FBH1: variants seen among roughly 807,000 people sequenced by gnomAD.
FBH1 encodes the protein F-box DNA helicase 1.
In FBH1, 43 loss-of-function variants were observed where a neutral mutation model predicts 115.5. That is an observed-to-expected ratio of 0.37 (90% CI 0.29 to 0.48). The LOEUF is 0.48. Among genes scored for constraint, FBH1 ranks in the 20% least tolerant of loss-of-function variants. The pLI is 0.99. For missense variants in FBH1, 1,001 were observed against 1,337.3 expected (o/e 0.75, Z 3.92); for synonymous variants, 524 against 507.8 (o/e 1.03, Z -0.43).
intron 18 of FBH1, 38 bp from the exon 19 acceptor site, chr10:5,927,397 G>T (rs748100588): frequency 1.0e-5 from 15 of 1,488,082 alleles, no homozygotes; most frequent in Non-Finnish European, 5.6e-6. Flanking sequence ...CTTTTCTAAG[G>T]CTTTTTAGTT....
chr10:5,925,057 C>T lies in FBH1; in HGVS notation c.2597-310C>T, dbSNP rs551190972. Among the ~76,000 whole-genome samples the T allele has an allele frequency of 6.6e-5, 10 of 152,326 alleles. No individual in the cohort carries two copies. In the Middle Eastern group the frequency reaches 0.01, roughly 155 times the overall value. ...GTCAGGCAAGCTGTGCAGCCCTCTT[C>T]TGGGCTCTGTCCCTTCATGTGTTAG... On this transcript the variant is annotated intron_variant, in intron 17 of 20. Coordinates refer to ENST00000362091, the MANE Select transcript of FBH1 (RefSeq NM_178150.3). This position sits in a 1 kb window ranked among gnomAD's most constrained non-coding sequence, Gnocchi z 4.6.
chr10:5,897,205 A>T lies in FBH1; in HGVS notation c.2-5815A>T, dbSNP rs1042211436. On this transcript the variant is annotated intron_variant, in intron 1 of 20. Transcript: ENST00000362091. This position sits in a 1 kb window ranked among gnomAD's most constrained non-coding sequence, Gnocchi z 4.7. ...ATGTGGGTGGCTTGAGTACTTACAT[A>T]TATATTGTCTCATTCTCTGAATTCA... Among the ~76,000 whole-genome samples the T allele has an allele frequency of 1.3e-5, 2 of 152,158 alleles. No individual in the cohort carries two copies. Among genetic ancestry groups the T allele is most frequent in the African/African-American group, 4.8e-5 (2 of 41,412 alleles).
intron 2 of FBH1, among the ~76,000 whole-genome samples, chr10:5,904,006 A>G (rs1228993648): frequency 6.6e-6 from 1 of 151,664 alleles, no homozygotes; most frequent in Non-Finnish European, 1.5e-5. Context: ...AGATTGCCTT[A>G]TTTCCCTTTG....
In FBH1 at chr10:5,895,241, C is replaced by A; in HGVS notation, c.1+4895C>A. 1 of 1,565,692 alleles carries A rather than the reference C, an allele frequency of 6.4e-7. No homozygotes were observed. The highest frequency in any genetic ancestry group is 8.7e-7 in the Non-Finnish European group (1 of 1,151,164). On this transcript the variant is annotated intron_variant, in intron 1 of 20. Coordinates refer to ENST00000362091, the MANE Select transcript of FBH1 (RefSeq NM_178150.3). The surrounding 1 kb of genome is among the most constrained non-coding windows in gnomAD (Gnocchi z 5.0). ...GCGGTTAGCTGACTCCAAAATTGTCCAGATTAGCAAAACTGCCCTCTGTGG... is the reference window on the plus strand; with the variant it reads ...GCGGTTAGCTGACTCCAAAATTGTCAAGATTAGCAAAACTGCCCTCTGTGG...
At chr10:5,890,223 G>A (rs1242787510), upstream of FBH1, 4 of 354,712 alleles carry the variant, frequency 1.1e-5, no homozygotes, top group African/African-American at 6.5e-5. Context: ...GAGGAAGTCG[G>A]CGGGCGTCTC....
Position 5,906,572 on chromosome 10 carries a change from C to G in FBH1, c.693C>G (p.Asp231Glu). The G allele has an allele frequency of 6.2e-7, 1 of 1,613,718 alleles. No homozygotes were observed. Among genetic ancestry groups the G allele is most frequent in the African/African-American group, 1.3e-5 (1 of 75,042 alleles). The change falls in exon 3 of 21, where the codon GAC becomes GAG. Residue 231 changes from aspartate (D) to glutamate (E), a missense_variant. Transcript: ENST00000362091. The surrounding 1 kb of genome is among the most constrained non-coding windows in gnomAD (Gnocchi z 7.3). ...RHVFAFLPVE[D>E]LYWNLSLVCH... ...TGTTTGCCTTCCTCCCGGTGGAAGA[C>G]CTCTATTGGAACCTGAGCTTGGTGT...
At position 5,905,758 on chromosome 10, in the gene FBH1, C is replaced by G. The variant is rs140992292; in HGVS notation, c.158-279C>G. Among the ~76,000 whole-genome samples, 6 of 152,210 alleles carry G rather than the reference C, an allele frequency of 3.9e-5. No individual in the cohort carries two copies. In the East Asian group the frequency reaches 1.2e-3, roughly 29 times the overall value. ...CAGATGTTCCCTGTGCAGCGTGTTT[C>G]TCTGTACTTGTTTTTACTGCAGGGA... On this transcript the variant is annotated intron_variant, in intron 2 of 20. Transcript: ENST00000362091.
intron 15 of FBH1, among the ~76,000 whole-genome samples, chr10:5,922,523 C>A (rs762408803): frequency 6.6e-6 from 1 of 152,210 alleles, no homozygotes; most frequent in African/African-American, 2.4e-5. Context: ...ATCATACACA[C>A]TGGCATGATA....
At chr10:5,929,860 A>T (rs1183276249) in intron 19 of FBH1, 1 of 152,242 alleles carries the variant, frequency 6.6e-6, no homozygotes, top group African/African-American at 2.4e-5. Flanking sequence ...GTCTCTACCT[A>T]TACAAACATT....
At position 5,911,002 on chromosome 10, in the gene FBH1, A is replaced by G. The variant is rs750485960; in HGVS notation, c.1085A>G (p.Gln362Arg). The stretch of plus-strand genomic sequence containing the variant: ...CTCTCCAGCAGTGTGAATGACATCC[A>G]GCGACTGCTCTTCTGCCTCCGGAGA... ...VLLSSSVNDI[Q>R]RLLFCLRRPS... is the part of the protein sequence containing the mutation. The change falls in exon 6 of 21, where the codon CAG becomes CGG. Residue 362 changes from glutamine (Q) to arginine (R), a missense_variant. Transcript: ENST00000362091. This position sits in a 1 kb window ranked among gnomAD's most constrained non-coding sequence, Gnocchi z 5.4. 4.3e-6 allele frequency: 7 copies of G among 1,612,560 alleles called. No homozygotes were observed. Among genetic ancestry groups the G allele is most frequent in the Non-Finnish European group, 5.9e-6 (7 of 1,180,010 alleles).
rs1195769272 is a variant in FBH1, at chr10:5,916,099, G to A, written c.1566-135G>A. ...GACATGGACCATGCAGAACTTTTTCGCTTTAAAACATTAACACTCGCCTGT... is the reference window on the plus strand; with the variant it reads ...GACATGGACCATGCAGAACTTTTTCACTTTAAAACATTAACACTCGCCTGT... On this transcript the variant is annotated intron_variant, in intron 9 of 20. Transcript: ENST00000362091. 32 of 762,502 alleles carry A rather than the reference G, an allele frequency of 4.2e-5. 1 individual carries two copies. The highest frequency in any genetic ancestry group is 2.7e-4 in the South Asian group (15 of 55,340). The allele number at this position is 762,502 out of a possible 1,614,324, so 47.2% of individuals were successfully genotyped here. A position where few individuals can be genotyped will look rare whatever the true frequency, so the allele number is the denominator to read the frequency against.
chr10:5,925,273 G>A lies in FBH1; in HGVS notation c.2597-94G>A, dbSNP rs1483497853. The A allele has an allele frequency of 1.0e-5, 15 of 1,484,980 alleles. 1 individual carries two copies. The African/African-American group carries it at 1.4e-4, about 14-fold the overall frequency. 92.0% of individuals were successfully genotyped at this position (1,484,980 alleles called of 1,614,324 possible). A position where few individuals can be genotyped will look rare whatever the true frequency, so the allele number is the denominator to read the frequency against. ...AACTGCACTGAGGCAAGAAATGTTCGAGTTCAGAGTCAAGTGGGAAACATG... is the reference window on the plus strand; with the variant it reads ...AACTGCACTGAGGCAAGAAATGTTCAAGTTCAGAGTCAAGTGGGAAACATG... On this transcript the variant is annotated intron_variant, in intron 17 of 20. Transcript: ENST00000362091. This position sits in a 1 kb window ranked among gnomAD's most constrained non-coding sequence, Gnocchi z 4.6.
chr10:5,906,021 T>G lies in FBH1; in HGVS notation c.158-16T>G. On this transcript the variant is annotated splice_polypyrimidine_tract_variant and intron_variant, in intron 2 of 20. Coordinates refer to ENST00000362091, the MANE Select transcript of FBH1 (RefSeq NM_178150.3). The surrounding 1 kb of genome is among the most constrained non-coding windows in gnomAD (Gnocchi z 7.3). Reference sequence around the variant, plus strand: ...TCGTTCATTTCTTGTCCATCCTGTTTGGGTTCTCTCTACAGGTCAGGGAAG... The same window carrying G: ...TCGTTCATTTCTTGTCCATCCTGTTGGGGTTCTCTCTACAGGTCAGGGAAG... 1 of 1,575,660 alleles carries G rather than the reference T, an allele frequency of 6.3e-7. No homozygotes were observed. The highest frequency in any genetic ancestry group is 8.7e-7 in the Non-Finnish European group (1 of 1,147,998).
chr10:5,918,296 G>A lies in FBH1; in HGVS notation c.1964-46G>A. ...TTTGTCCTTTTCTTTTTGCTGCCTG[G>A]GGTGGAGGCCTCAAGGTTTCTCACT... On this transcript the variant is annotated intron_variant, in intron 12 of 20. Coordinates refer to ENST00000362091, the MANE Select transcript of FBH1 (RefSeq NM_178150.3). This position sits in a 1 kb window ranked among gnomAD's most constrained non-coding sequence, Gnocchi z 4.0. 6.3e-7 allele frequency: 1 copy of A among 1,597,108 alleles called. No homozygotes were observed. Among genetic ancestry groups the A allele is most frequent in the Non-Finnish European group, 8.5e-7 (1 of 1,175,448 alleles).
rs1832122566 is a variant in FBH1, at chr10:5,918,586, G to C, written c.2100+108G>C. The C allele has an allele frequency of 1.5e-6, 2 of 1,349,432 alleles. No homozygotes were observed. Among genetic ancestry groups the C allele is most frequent in the African/African-American group, 1.5e-5 (1 of 66,388 alleles). The allele number at this position is 1,349,432 out of a possible 1,614,324, so 83.6% of individuals were successfully genotyped here. On this transcript the variant is annotated intron_variant, in intron 13 of 20. Coordinates refer to ENST00000362091, the MANE Select transcript of FBH1 (RefSeq NM_178150.3). This position sits in a 1 kb window ranked among gnomAD's most constrained non-coding sequence, Gnocchi z 4.0. ...GGCTCACCAGATCTAGCAAATCCTT[G>C]CTTCTAAGCCATGGTTCTCAAAGTG...
chr10:5,917,531 G>T lies in FBH1; in HGVS notation c.1876+24G>T, dbSNP rs752538687. 5.6e-6 allele frequency: 9 copies of T among 1,613,692 alleles called. No individual in the cohort carries two copies. The highest frequency in any genetic ancestry group is 7.6e-6 in the Non-Finnish European group (9 of 1,179,604). ...CGGTAGGCGGCTGCCGAATGGCGGG[G>T]ACTGGCCAATGGGACTGCCTTCCTG... On this transcript the variant is annotated intron_variant, in intron 11 of 20. Transcript: ENST00000362091. The surrounding 1 kb of genome is among the most constrained non-coding windows in gnomAD (Gnocchi z 5.6).
In FBH1 at chr10:5,900,500, T is replaced by G. The variant is rs952250313; in HGVS notation, c.2-2520T>G. ...GCTGCTTCGTGAGAGTGAGCGCATC[T>G]GTGATTGCTGAGGCCTGGCGCTCAT... On this transcript the variant is annotated intron_variant, in intron 1 of 20. Transcript: ENST00000362091. This position sits in a 1 kb window ranked among gnomAD's most constrained non-coding sequence, Gnocchi z 4.2. 6.6e-6 allele frequency among the ~76,000 whole-genome samples: 1 copy of G among 152,248 alleles called. No homozygotes were observed. The highest frequency in any genetic ancestry group is 2.4e-5 in the African/African-American group (1 of 41,472).
rs1831748058 is a variant in FBH1, at chr10:5,913,662, G to A, written c.1212-85G>A. 4.5e-6 allele frequency: 4 copies of A among 879,184 alleles called. No individual in the cohort carries two copies. The highest frequency in any genetic ancestry group is 6.9e-6 in the Non-Finnish European group (4 of 581,770). The allele number at this position is 879,184 out of a possible 1,614,324, so 54.5% of individuals were successfully genotyped here. On this transcript the variant is annotated intron_variant, in intron 6 of 20. Coordinates refer to ENST00000362091, the MANE Select transcript of FBH1 (RefSeq NM_178150.3). The surrounding 1 kb of genome is among the most constrained non-coding windows in gnomAD (Gnocchi z 4.4). Reference sequence around the variant, plus strand: ...GGTATTTTCTTTTTAGAAATGGGAAGGAGTTTAAATCCATCTGAGGAAAAA... The same window carrying A: ...GGTATTTTCTTTTTAGAAATGGGAAAGAGTTTAAATCCATCTGAGGAAAAA...
At position 5,918,356 on chromosome 10, in the gene FBH1, G is replaced by C; in HGVS notation, c.1978G>C (p.Val660Leu). The C allele has an allele frequency of 6.2e-7, 1 of 1,613,260 alleles. No individual in the cohort carries two copies. Among genetic ancestry groups the C allele is most frequent in the Non-Finnish European group, 8.5e-7 (1 of 1,179,814 alleles). ...QDCTPAIMNIVLSQPCGKIFV... is the reference protein window; with the variant it reads ...QDCTPAIMNILLSQPCGKIFV... Reference sequence around the variant, plus strand: ...GTTGGTTACAGCTATCATGAACATAGTTCTGTCTCAGCCATGTGGGAAAAT... The same window carrying C: ...GTTGGTTACAGCTATCATGAACATACTTCTGTCTCAGCCATGTGGGAAAAT... The change falls in exon 13 of 21, where the codon GTT (valine) becomes CTT (leucine). Residue 660 changes from valine (V) to leucine (L), a missense_variant. Val to Leu is a conservative substitution (Grantham distance 32). Coordinates refer to ENST00000362091, the MANE Select transcript of FBH1 (RefSeq NM_178150.3). The surrounding 1 kb of genome is among the most constrained non-coding windows in gnomAD (Gnocchi z 4.0).
Sources: gnomAD v4.1 joint callset for allele counts (sites outside exome capture counted in the v4.1 genomes callset) on GRCh38, gnomAD v4.1.1 for gene constraint, Gnocchi (gnomAD v3.1) non-coding constraint, MANE v1.5 for transcripts, NCBI Gene and HGNC (gene_info 2026-07-23, HGNC 2026-07-21) for gene names.